The following SFI1 variants were observed in gnomAD, a reference collection of about 807,000 sequenced individuals.
The protein encoded by SFI1 is protein SFI1 homolog.
Under a neutral mutation model 207.5 loss-of-function variants are expected in SFI1, and 195 were observed. That is an observed-to-expected ratio of 0.94 (90% CI 0.84 to 1.06). The LOEUF is 1.06. Among genes scored for constraint, SFI1 ranks in the 50% least tolerant of loss-of-function variants. The probability of loss-of-function intolerance (pLI) is 0.00; values close to 1 mark genes in which losing one functional copy is unlikely to be tolerated. For synonymous variants in SFI1, 630 were observed against 598.9 expected, an observed-to-expected ratio of 1.05 and a Z score of -0.76; for missense variants, 1,634 against 1,588.0, an observed-to-expected ratio of 1.03 and a Z score of -0.49.
chr22:31,511,610 G>C (rs572588283), intron 2 of SFI1, among the ~76,000 whole-genome samples: 77 of 151,828 alleles, frequency 5.1e-4, no homozygotes, highest in African/African-American at 1.8e-3. Context: ...ATACCCTGCT[G>C]CTTTAGGCTG....
intron 4 of SFI1, among the ~76,000 whole-genome samples, chr22:31,545,239 G>A (rs1449191911): frequency 6.6e-6 from 1 of 152,132 alleles, no homozygotes; most frequent in African/African-American, 2.4e-5. Flanking sequence ...GATGGCACAT[G>A]CCTGTAATCC....
In SFI1 at chr22:31,537,683, C is replaced by G. The variant is rs546448378; in HGVS notation, c.338+6554C>G. 7.7e-4 allele frequency among the ~76,000 whole-genome samples: 117 copies of G among 152,118 alleles called. 2 individuals carry two copies. Among genetic ancestry groups the G allele is most frequent in the Non-Finnish European group, 2.6e-4 (18 of 68,028 alleles). On this transcript the variant is annotated intron_variant, in intron 4 of 32. Transcript: ENST00000400288. Reference sequence around the variant, plus strand: ...GTGAGAATATTTGTTTTCTAAGCAGCTACCAGAATTAGAATTCTGATACTG... The same window carrying G: ...GTGAGAATATTTGTTTTCTAAGCAGGTACCAGAATTAGAATTCTGATACTG...
chr22:31,501,721 T>C (rs886304613), intron 1 of SFI1, among the ~76,000 whole-genome samples: 2 of 152,190 alleles, frequency 1.3e-5, no homozygotes, highest in African/African-American at 4.8e-5. Flanking sequence ...ACCTTATCTA[T>C]AGATGTTATT....
chr22:31,560,701 C>A (rs1202189677), intron 7 of SFI1, among the ~76,000 whole-genome samples: 9 of 141,092 alleles, frequency 6.4e-5, no homozygotes, highest in Admixed American at 5.7e-4. Context: ...CCACGCCTGG[C>A]CTTTTTTTTT....
intron 28 of SFI1, 92 bp from the exon 29 acceptor site, chr22:31,614,956 C>A: frequency 6.4e-7 from 1 of 1,574,728 alleles, no homozygotes; most frequent in Non-Finnish European, 8.7e-7. Flanking sequence ...GTTTTGGCAG[C>A]CCTGGGGTGG....
At chr22:31,576,222 G>A (rs147073664) in intron 10 of SFI1, among the ~76,000 whole-genome samples, 2 of 151,558 alleles carry the variant, frequency 1.3e-5, no homozygotes, top group East Asian at 1.9e-4. Flanking sequence ...ACGGGGTTTC[G>A]CCATGTTGGC....
At chr22:31,557,702 G>C (rs916199243) in intron 7 of SFI1, among the ~76,000 whole-genome samples, 7 of 152,166 alleles carry the variant, frequency 4.6e-5, no homozygotes, top group African/African-American at 1.7e-4. Context: ...TACCATTATT[G>C]TACAGATTAA....
intron 15 of SFI1, among the ~76,000 whole-genome samples, chr22:31,590,903 T>C (rs2065771365): frequency 6.6e-6 from 1 of 151,034 alleles, no homozygotes; most frequent in Non-Finnish European, 1.5e-5. Flanking sequence ...TTCTCTCTTT[T>C]TCTTGATTAG....
rs200139093 is a variant in SFI1 at position 31,505,445 on chromosome 22, AG to A, written c.-30-2809del. Among the ~76,000 whole-genome samples the A allele has an allele frequency of 2.6e-3, 355 of 138,728 alleles. 3 individuals are homozygous for A. Among genetic ancestry groups the A allele is most frequent in the Middle Eastern group, 3.6e-3 (1 of 274 alleles). 91.0% of individuals were successfully genotyped at this position (138,728 alleles called of 152,430 possible). A position where few individuals can be genotyped will look rare whatever the true frequency, so the allele number is the denominator to read the frequency against. Reference sequence around the variant, plus strand: ...CAGAGCGAGACTGTCTCGGAAAAAAAGAAAAAGAAAAAGAAAAAATGAAAAC... The same window carrying A: ...CAGAGCGAGACTGTCTCGGAAAAAAAAAAAAGAAAAAGAAAAAATGAAAAC... On this transcript the variant is annotated intron_variant, in intron 1 of 32. Transcript: ENST00000400288.
At chr22:31,611,623 A>G in intron 23 of SFI1, 143 bp from the exon 24 acceptor site, 1 of 840,412 alleles carries the variant, frequency 1.2e-6, no homozygotes, top group East Asian at 2.7e-5. Context: ...CTCCCTGCCT[A>G]TGCAGGAGAC....
intron 15 of SFI1, among the ~76,000 whole-genome samples, chr22:31,599,430 G>A (rs902197791): frequency 3.3e-5 from 5 of 151,734 alleles, no homozygotes; most frequent in African/African-American, 9.7e-5. Flanking sequence ...AGGTTTAAGC[G>A]ATTCTCCTGC....
At chr22:31,598,957 C>A (rs1221611374) in intron 15 of SFI1, among the ~76,000 whole-genome samples, 2 of 149,750 alleles carry the variant, frequency 1.3e-5, no homozygotes, top group Non-Finnish European at 3.0e-5. Flanking sequence ...CCACGACCAG[C>A]TAATTTTTGT....
intron 1 of SFI1, among the ~76,000 whole-genome samples, chr22:31,497,538 T>G (rs974080832): frequency 3.9e-5 from 6 of 152,160 alleles, no homozygotes; most frequent in African/African-American, 1.4e-4. Flanking sequence ...CTCCTCCCTC[T>G]CGGTCCTCCT....
intron 2 of SFI1, among the ~76,000 whole-genome samples, chr22:31,524,391 T>C (rs1388179355): frequency 6.6e-6 from 1 of 152,134 alleles, no homozygotes; most frequent in Non-Finnish European, 1.5e-5. Context: ...TATGTCTTCT[T>C]TTGAGAAATG....
At chr22:31,565,351 C>G (rs978790739) in intron 8 of SFI1, among the ~76,000 whole-genome samples, 4 of 151,902 alleles carry the variant, frequency 2.6e-5, no homozygotes, top group African/African-American at 9.7e-5. Flanking sequence ...AGGATGATCA[C>G]TTGAGGTCAA....
chr22:31,581,723 C>T (rs1032845662), intron 12 of SFI1, among the ~76,000 whole-genome samples: 34 of 151,808 alleles, frequency 2.2e-4, no homozygotes, highest in Admixed American at 1.8e-3. Flanking sequence ...GGATTTTTTT[C>T]CCTGTTACTA....
rs780820759 is a variant in SFI1, at chr22:31,615,149, A to G, written c.3170A>G (p.His1057Arg). The change falls in exon 29 of 33, where the codon CAC (histidine) becomes CGC (arginine). Residue 1057 changes from histidine (H) to arginine (R), a missense_variant. Coordinates refer to ENST00000400288, the MANE Select transcript of SFI1 (RefSeq NM_001007467.3). ...LAEAPTALVP[H>R]SPLPGALSSA... ...GAGGCCCCGACAGCACTGGTCCCAC[A>G]CAGCCCCCTGCCTGGGGCCCTGTCA... is the stretch of plus-strand genomic sequence containing the variant. 2 of 1,607,864 alleles carry G rather than the reference A, an allele frequency of 1.2e-6. No individual in the cohort carries two copies. Among genetic ancestry groups the G allele is most frequent in the East Asian group, 2.2e-5 (1 of 44,808 alleles).
At chr22:31,578,485 T>C (rs2146018451) in intron 11 of SFI1, 33 bp downstream of exon 11, 2 of 1,599,652 alleles carry the variant, frequency 1.3e-6, no homozygotes, top group Non-Finnish European at 1.7e-6. Flanking sequence ...CGGGTCCGCT[T>C]GGCAGCCTTG....
chr22:31,562,983 T>TTATATATATATATATATA (rs56072629), intron 8 of SFI1, among the ~76,000 whole-genome samples: 1,672 of 142,176 alleles, frequency 0.012, 18 homozygotes, highest in African/African-American at 0.026. Context: ...TCATCATCTT[T>TTATATATATATATATATA]TATATATATA....
Sources: gnomAD v4.1 joint callset for allele counts (sites outside exome capture counted in the v4.1 genomes callset) on GRCh38, gnomAD v4.1.1 for gene constraint, MANE v1.5 for transcripts, NCBI Gene and HGNC (gene_info 2026-07-23, HGNC 2026-07-21) for gene names.